The following MAP3K5 variants were observed in gnomAD, a reference collection of about 807,000 sequenced individuals.
MAP3K5 encodes the protein mitogen-activated protein kinase kinase kinase 5.
MAP3K5 carries 56 observed loss-of-function variants against 158.7 expected under a neutral mutation model. The ratio of observed to expected loss-of-function variants is 0.35; its 90% confidence interval spans 0.28 to 0.44. The LOEUF is 0.44. Among genes scored for constraint, MAP3K5 ranks in the 20% least tolerant of loss-of-function variants. The pLI is 1.00. For synonymous variants in MAP3K5, 579 were observed against 601.7 expected, an observed-to-expected ratio of 0.96 and a Z score of 0.55; for missense variants, 1,294 against 1,674.8, an observed-to-expected ratio of 0.77 and a Z score of 3.97.
intron 1 of MAP3K5, among the ~76,000 whole-genome samples, chr6:136,770,871 C>CA (rs1784169975): frequency 6.6e-6 from 1 of 151,944 alleles, no homozygotes; most frequent in Non-Finnish European, 1.5e-5. Flanking sequence ...GGAATTCACA[C>CA]AAAAATTATC....
chr6:136,685,340 T>C (rs1384675132), intron 7 of MAP3K5, among the ~76,000 whole-genome samples: 2 of 151,842 alleles, frequency 1.3e-5, no homozygotes, highest in East Asian at 3.9e-4. Context: ...ATAATAATAA[T>C]CTAAACCATT....
intron 8 of MAP3K5, among the ~76,000 whole-genome samples, chr6:136,660,578 A>G (rs1046068977): frequency 6.6e-6 from 1 of 152,150 alleles, no homozygotes. Flanking sequence ...TATATTTTCA[A>G]TTCTACTATG....
intron 1 of MAP3K5, among the ~76,000 whole-genome samples, chr6:136,766,817 C>T (rs1783987180): frequency 6.6e-6 from 1 of 152,102 alleles, no homozygotes. Flanking sequence ...GGAATTACTT[C>T]CAGAAAGAGC....
At chr6:136,625,252 T>C (rs903059335) in intron 14 of MAP3K5, among the ~76,000 whole-genome samples, 4 of 152,210 alleles carry the variant, frequency 2.6e-5, no homozygotes, top group African/African-American at 9.7e-5. Flanking sequence ...GCCCAGCTGA[T>C]ATATAAACAA....
intron 1 of MAP3K5, among the ~76,000 whole-genome samples, chr6:136,741,892 A>T (rs1782722563): frequency 6.6e-6 from 1 of 152,206 alleles, no homozygotes; most frequent in Non-Finnish European, 1.5e-5. Context: ...AATGCCATTT[A>T]CATTAGCACC....
rs747393044 is a variant in MAP3K5, at chr6:136,783,843, G to A, written c.448+7867C>T. On this transcript the variant is annotated intron_variant, in intron 1 of 29. Transcript: ENST00000359015. ...ACCACTTGGAGGAAGTACTTGGAAA[G>A]CAGGCACGGTTGGTACCTCATGCTG... 2.0e-5 allele frequency among the ~76,000 whole-genome samples: 3 copies of A among 152,214 alleles called. 1 individual carries two copies. Among genetic ancestry groups the A allele is most frequent in the Non-Finnish European group, 2.9e-5 (2 of 68,042 alleles).
In MAP3K5 at chr6:136,601,913, G is replaced by C; in HGVS notation, c.2746C>G (p.Leu916Val). 1 of 1,614,170 alleles carries C rather than the reference G, an allele frequency of 6.2e-7. No individual in the cohort carries two copies. Among genetic ancestry groups the C allele is most frequent in the South Asian group, 1.1e-5 (1 of 91,088 alleles). Residue 916 changes from leucine to valine, a missense_variant, in exon 20 of 30, where the codon CTG (leucine) becomes GTG (valine). Leu to Val is a conservative substitution (Grantham distance 32). Around this residue, in one of 5 missense-constraint regions of MAP3K5, gnomAD observed 362 missense variants for 463.2 expected, o/e 0.78. Transcript: ENST00000359015. ...TCAGGATCTGGTTCAAAACATTTCA[G>C]TATGAATGCCTTGGCCTCTGCAGAC... ...SMSAEAKAFILKCFEPDPDKR... is the reference protein window; with the variant it reads ...SMSAEAKAFIVKCFEPDPDKR...
At chr6:136,731,313 A>T (rs1255473934) in intron 1 of MAP3K5, among the ~76,000 whole-genome samples, 1 of 152,248 alleles carries the variant, frequency 6.6e-6, no homozygotes, top group Non-Finnish European at 1.5e-5. Flanking sequence ...ACTAATTATT[A>T]CAAGCTTGAT....
intron 2 of MAP3K5, among the ~76,000 whole-genome samples, 184 bp downstream of exon 2, chr6:136,720,266 C>G (rs1417866612): frequency 1.3e-5 from 2 of 152,148 alleles, no homozygotes; most frequent in Admixed American, 6.5e-5. Flanking sequence ...TTTTCCTACT[C>G]GTGTCATCAA....
At position 136,659,379 on chromosome 6, in the gene MAP3K5, CT is replaced by C. The variant is rs1239954569; in HGVS notation, c.1367-2del. The stretch of plus-strand genomic sequence containing the variant: ...CCAAGAAGACTACTTAGCTTCACCC[CT>C]AGAATACAAACAGGAAGTAGAATGT... On this transcript the variant is annotated splice_acceptor_variant, in intron 8 of 29. Coordinates refer to ENST00000359015, the MANE Select transcript of MAP3K5 (RefSeq NM_005923.4). LOFTEE classifies it high-confidence loss of function. 1.9e-6 allele frequency: 3 copies of C among 1,613,608 alleles called. No individual in the cohort carries two copies. In the Admixed American group the frequency reaches 5.0e-5, roughly 27 times the overall value.
chr6:136,641,585 T>C (rs1276749680), intron 12 of MAP3K5, among the ~76,000 whole-genome samples: 1 of 151,862 alleles, frequency 6.6e-6, no homozygotes, highest in African/African-American at 2.4e-5. Context: ...CAGTCAGAAC[T>C]GAACCAAACT....
At chr6:136,557,880 T>C (rs1268138470) in intron 29 of MAP3K5, 62 bp from the exon 30 acceptor site, 1 of 1,100,934 alleles carries the variant, frequency 9.1e-7, no homozygotes, top group East Asian at 2.4e-5. Flanking sequence ...GCCCTTGAAA[T>C]AGAAAAGTGA....
At chr6:136,656,788 C>T (rs997332439) in intron 9 of MAP3K5, among the ~76,000 whole-genome samples, 17 of 151,960 alleles carry the variant, frequency 1.1e-4, no homozygotes, top group African/African-American at 2.9e-4. Context: ...CGCCTGGCTA[C>T]GTTTTGCAAT....
At chr6:136,771,969 G>A (rs529817179) in intron 1 of MAP3K5, among the ~76,000 whole-genome samples, 1 of 151,412 alleles carries the variant, frequency 6.6e-6, no homozygotes, top group Non-Finnish European at 1.5e-5. Flanking sequence ...ACTCAGGCTG[G>A]AGTGCAGTGG....
intron 25 of MAP3K5, among the ~76,000 whole-genome samples, chr6:136,576,714 T>C (rs1400340611): frequency 6.6e-6 from 1 of 152,152 alleles, no homozygotes; most frequent in Non-Finnish European, 1.5e-5. Flanking sequence ...AAGATTTGGG[T>C]CTTCTCAGTA....
At chr6:136,733,011 C>G (rs1451496361) in intron 1 of MAP3K5, among the ~76,000 whole-genome samples, 1 of 151,976 alleles carries the variant, frequency 6.6e-6, no homozygotes, top group Non-Finnish European at 1.5e-5. Context: ...AGTACTTTTT[C>G]TTTTTTGAGA....
At chr6:136,696,220 T>C (rs991418828) in intron 5 of MAP3K5, among the ~76,000 whole-genome samples, 163 bp from the exon 6 acceptor site, 9 of 152,200 alleles carry the variant, frequency 5.9e-5, no homozygotes, top group African/African-American at 2.2e-4. Context: ...GTTTTTGTTG[T>C]TTTTCTTCTA....
In MAP3K5 at chr6:136,670,376, A is replaced by G. The variant is rs17065573; in HGVS notation, c.1254-981T>C. Among the ~76,000 whole-genome samples, 1,512 of 152,230 alleles carry G rather than the reference A, an allele frequency of 9.9e-3. 32 individuals carry two copies. Among genetic ancestry groups the G allele is most frequent in the African/African-American group, 0.034 (1,432 of 41,570 alleles). The stretch of plus-strand genomic sequence containing the variant: ...ATAAATGCCCTAGTGACTAAGAGGA[A>G]CTGCCTGAGGCCAATGCATGAAAAA... On this transcript the variant is annotated intron_variant, in intron 7 of 29. Coordinates refer to ENST00000359015, the MANE Select transcript of MAP3K5 (RefSeq NM_005923.4).
chr6:136,737,535 T>C (rs1303359059), intron 1 of MAP3K5, among the ~76,000 whole-genome samples: 1 of 152,218 alleles, frequency 6.6e-6, no homozygotes, highest in African/African-American at 2.4e-5. Flanking sequence ...CCCCGCCATG[T>C]ATCACATACT....
Sources: allele counts gnomAD v4.1 joint callset (sites outside exome capture counted in the v4.1 genomes callset), GRCh38; gene constraint gnomAD v4.1.1; regional missense constraint gnomAD v4.1.1; transcripts MANE v1.5; gene names NCBI Gene and HGNC (gene_info 2026-07-23, HGNC 2026-07-21).